Variants in TMEM181 observed in about 807,000 individuals in gnomAD.
TMEM181 encodes the protein G protein-coupled receptor 178.
In TMEM181, 39 loss-of-function variants were observed where a neutral mutation model predicts 71.9. The observed-to-expected ratio is 0.54, with a 90% CI of 0.42 to 0.71. The LOEUF (loss-of-function observed/expected upper bound fraction) is 0.71. Ranked by LOEUF, TMEM181 falls within the 30% of genes least tolerant of loss-of-function variation. TMEM181 has a pLI of 0.00. For missense variants in TMEM181, 595 were observed against 583.0 expected (o/e 1.02, Z -0.21); for synonymous variants, 245 against 228.8 (o/e 1.07, Z -0.64).
chr6:158,554,925 C>T lies in TMEM181; in HGVS notation c.131+18060C>T, dbSNP rs1017144409. Among the ~76,000 whole-genome samples the T allele has an allele frequency of 5.3e-5, 8 of 152,274 alleles. No homozygotes were observed. In the East Asian group the frequency reaches 5.8e-4, roughly 11 times the overall value. On this transcript the variant is annotated intron_variant, in intron 1 of 16. Coordinates refer to the TMEM181 transcript ENST00000367090. ...TAGGTAATCTAATGAAGATGGTGGG[C>T]GAAGATTTTGGACAAAGCAGTTTGG...
intron 10 of TMEM181, among the ~76,000 whole-genome samples, chr6:158,619,647 G>T (rs193001948): frequency 6.6e-6 from 1 of 152,078 alleles, no homozygotes; most frequent in African/African-American, 2.4e-5. Flanking sequence ...AGTGCAGGCC[G>T]ATCATGAGGT....
chr6:158,631,771 T>C, intron 16 of TMEM181, 39 bp from the exon 17 acceptor site: 1 of 1,559,902 alleles, frequency 6.4e-7, no homozygotes, highest in Non-Finnish European at 8.7e-7. Context: ...TAAAGAGCTG[T>C]CAGAAGTTAG....
Position 158,580,963 on chromosome 6 carries a change from G to A in TMEM181, c.136G>A (p.Ala46Thr). 1 of 1,609,322 alleles carries A rather than the reference G, an allele frequency of 6.2e-7. No homozygotes were observed. The highest frequency in any genetic ancestry group is 1.7e-5 in the Admixed American group (1 of 59,982). The change falls in exon 3 of 17, where the codon GCG becomes ACG. Residue 46 changes from alanine (A) to threonine (T), a missense_variant. Ala to Thr is a moderately conservative substitution (Grantham distance 58). Coordinates refer to ENST00000684151, the MANE Select transcript of TMEM181 (RefSeq NM_001376852.1). The part of the protein sequence containing the change: ...IRGPKVIQTS[A>T]ANFSLNNSKK... ...AGGACCTAAAGTGATCCAGACTTCT[G>A]CGGCTAATTTTTCACTAAATAATAG...
chr6:158,623,718 G>C, intron 11 of TMEM181, 111 bp downstream of exon 11: 1 of 718,476 alleles, frequency 1.4e-6, no homozygotes, highest in Non-Finnish European at 2.3e-6. Flanking sequence ...CTGACTACTT[G>C]GGAAGGACTA....
At chr6:158,572,639 C>CTT (rs1402859661) in intron 1 of TMEM181, among the ~76,000 whole-genome samples, 1 of 152,186 alleles carries the variant, frequency 6.6e-6, no homozygotes, top group Non-Finnish European at 1.5e-5. Context: ...CTACCTGGGC[C>CTT]TTTACAGAGT....
intron 13 of TMEM181, 65 bp downstream of exon 13, chr6:158,625,819 G>C (rs1786245193): frequency 1.4e-6 from 2 of 1,423,578 alleles, no homozygotes; most frequent in Admixed American, 3.7e-5. Context: ...AGGAATATCT[G>C]TTGCCTCCTT....
chr6:158,542,882 T>G (rs1487751637), intron 1 of TMEM181, among the ~76,000 whole-genome samples: 2 of 144,238 alleles, frequency 1.4e-5, no homozygotes, highest in Non-Finnish European at 3.0e-5. Context: ...TTTTTTTTTT[T>G]TTTTTTTTTT....
chr6:158,583,062 ATC>A (rs1345636702), intron 3 of TMEM181, among the ~76,000 whole-genome samples: 1 of 151,742 alleles, frequency 6.6e-6, no homozygotes, highest in African/African-American at 2.4e-5. Flanking sequence ...GTGAAACTCC[ATC>A]TCTACTAGAA....
At chr6:158,592,785 G>GT (rs1334304887) in intron 6 of TMEM181, among the ~76,000 whole-genome samples, 1 of 152,102 alleles carries the variant, frequency 6.6e-6, no homozygotes, top group Admixed American at 6.5e-5. Context: ...ATGCATGGTG[G>GT]TGCACACCTG....
At position 158,608,868 on chromosome 6, in the gene TMEM181, C is replaced by T; in HGVS notation, c.896+118C>T. Reference sequence around the variant, plus strand: ...ATCCCAGCACTTTGACAGGCTGAGGCAGGCAAGTCACTTGAGCTCAGGAGT... The same window carrying T: ...ATCCCAGCACTTTGACAGGCTGAGGTAGGCAAGTCACTTGAGCTCAGGAGT... On this transcript the variant is annotated intron_variant, in intron 10 of 16. Coordinates refer to ENST00000684151, the MANE Select transcript of TMEM181 (RefSeq NM_001376852.1). The T allele has an allele frequency of 3.2e-6, 3 of 924,790 alleles. No homozygotes were observed. The South Asian group carries it at 4.8e-5, about 15-fold the overall frequency. The allele number at this position is 924,790 out of a possible 1,614,324, so 57.3% of individuals were successfully genotyped here.
At chr6:158,583,922 T>C (rs1783614348) in intron 3 of TMEM181, 32 bp from the exon 4 acceptor site, 1 of 1,542,376 alleles carries the variant, frequency 6.5e-7, no homozygotes, top group East Asian at 2.3e-5. Context: ...AATGAAAAGG[T>C]CACATGGATT....
At chr6:158,584,102 A>C in intron 4 of TMEM181, 58 bp downstream of exon 4, 1 of 1,401,130 alleles carries the variant, frequency 7.1e-7, no homozygotes, top group Non-Finnish European at 9.9e-7. Context: ...ATCGTATTTT[A>C]GATGTTGACT....
chr6:158,598,864 G>A (rs569413120), intron 6 of TMEM181, among the ~76,000 whole-genome samples: 225 of 152,040 alleles, frequency 1.5e-3, no homozygotes, highest in African/African-American at 5.3e-3. Flanking sequence ...TAGTAGAGAT[G>A]GGGTTTCACT....
At chr6:158,617,184 A>T (rs1179439820) in intron 10 of TMEM181, among the ~76,000 whole-genome samples, 3 of 152,102 alleles carry the variant, frequency 2.0e-5, no homozygotes, top group African/African-American at 7.2e-5. Flanking sequence ...CTATTAAGAG[A>T]TTCAGCTTCT....
chr6:158,567,528 A>G (rs1782579200), intron 1 of TMEM181, among the ~76,000 whole-genome samples: 2 of 152,282 alleles, frequency 1.3e-5, no homozygotes, highest in East Asian at 3.9e-4. Flanking sequence ...GTGAGGGAAC[A>G]CTTCAGGGAG....
chr6:158,614,152 C>T (rs1453312846), intron 10 of TMEM181, among the ~76,000 whole-genome samples: 1 of 152,150 alleles, frequency 6.6e-6, no homozygotes, highest in African/African-American at 2.4e-5. Flanking sequence ...TCCTGTTTAC[C>T]TCTTTTCTGG....
At chr6:158,578,616 G>A (rs1783295394) in intron 2 of TMEM181, among the ~76,000 whole-genome samples, 3 of 152,238 alleles carry the variant, frequency 2.0e-5, no homozygotes, top group South Asian at 2.1e-4. Flanking sequence ...ACATATTGAT[G>A]TTAAGCTGGT....
At chr6:158,617,927 T>G (rs1380070897) in intron 10 of TMEM181, among the ~76,000 whole-genome samples, 5 of 152,226 alleles carry the variant, frequency 3.3e-5, no homozygotes, top group African/African-American at 9.6e-5. Context: ...ATAAGTATGA[T>G]GTGGTGCTGA....
rs562753523 is a variant in TMEM181, at chr6:158,609,687, A to G, written c.896+937A>G. 10 of 242,640 alleles carry G rather than the reference A, an allele frequency of 4.1e-5. 1 individual carries two copies. The highest frequency in any genetic ancestry group is 2.1e-4 in the East Asian group (2 of 9,500). The allele number at this position is 242,640 out of a possible 1,614,324, so 15.0% of individuals were successfully genotyped here. On this transcript the variant is annotated intron_variant, in intron 10 of 16. Transcript: ENST00000684151. Reference sequence around the variant, plus strand: ...GTTGCCCTTTTCTGGGAGACTCCCAATGACTGTGCCCTCTCTGCTTAAAGA... The same window carrying G: ...GTTGCCCTTTTCTGGGAGACTCCCAGTGACTGTGCCCTCTCTGCTTAAAGA...
Sources: gnomAD v4.1 joint callset for allele counts (sites outside exome capture counted in the v4.1 genomes callset) on GRCh38, gnomAD v4.1.1 for gene constraint, MANE v1.5 for transcripts, NCBI Gene and HGNC (gene_info 2026-07-23, HGNC 2026-07-21) for gene names.